PBX4: variants seen among roughly 807,000 people sequenced by gnomAD.
The protein encoded by PBX4 is PBX homeobox 4, also known as pre-B-cell leukemia transcription factor 4.
In PBX4, 26 loss-of-function variants were observed where a neutral mutation model predicts 35.1. The observed-to-expected ratio is 0.74, with a 90% CI of 0.54 to 1.03. The LOEUF (loss-of-function observed/expected upper bound fraction) is 1.03, where lower values mean the gene tolerates loss of function less well. PBX4 is among the 50% of genes least tolerant of loss of function. The pLI is 0.00. For missense variants in PBX4, 448 were observed against 504.3 expected (o/e 0.89, Z 1.07); for synonymous variants, 199 against 204.2 (o/e 0.97, Z 0.22).
chr19:19,614,915 T>G (rs995727290), intron 1 of PBX4, among the ~76,000 whole-genome samples: 2 of 151,424 alleles, frequency 1.3e-5, no homozygotes, highest in African/African-American at 2.4e-5. Flanking sequence ...ATCCCAGCAC[T>G]TTGGGAGGCC....
intron 2 of PBX4, among the ~76,000 whole-genome samples, chr19:19,583,785 T>A (rs2061471384): frequency 6.6e-6 from 1 of 151,622 alleles, no homozygotes; most frequent in Non-Finnish European, 1.5e-5. Context: ...ACCCCATCTC[T>A]ACTAAAAATA....
At chr19:19,588,937 A>T (rs992072095) in intron 2 of PBX4, among the ~76,000 whole-genome samples, 3 of 152,036 alleles carry the variant, frequency 2.0e-5, no homozygotes, top group Non-Finnish European at 4.4e-5. Context: ...AGAGTTTAAG[A>T]CCAGCCTGGG....
chr19:19,568,120 T>A (rs1225408253), intron 5 of PBX4, among the ~76,000 whole-genome samples: 9 of 133,148 alleles, frequency 6.8e-5, no homozygotes, highest in South Asian at 2.5e-4. Flanking sequence ...TCCATCTGTA[T>A]CCCTCAGGGA....
rs114617954 is a variant in PBX4 at position 19,600,255 on chromosome 19, A to C, written c.120-890T>G. Among the ~76,000 whole-genome samples the C allele has an allele frequency of 4.0e-3, 614 of 152,274 alleles. 9 individuals carry two copies. The highest frequency in any genetic ancestry group is 0.014 in the African/African-American group (577 of 41,554). On this transcript the variant is annotated intron_variant, in intron 1 of 7. Coordinates refer to ENST00000251203, the MANE Select transcript of PBX4 (RefSeq NM_025245.3). ...TCATCAAAAACTATGGTAAGGCATTAGTGGCTCATGTCTGTAATCTCAACG... is the reference window on the plus strand; with the variant it reads ...TCATCAAAAACTATGGTAAGGCATTCGTGGCTCATGTCTGTAATCTCAACG...
At chr19:19,588,570 T>C (rs1380574032) in intron 2 of PBX4, among the ~76,000 whole-genome samples, 1 of 151,934 alleles carries the variant, frequency 6.6e-6, no homozygotes, top group Non-Finnish European at 1.5e-5. Context: ...AGCCACCGTG[T>C]GGCCCAATTT....
chr19:19,600,411 T>A (rs2061589966), intron 1 of PBX4, among the ~76,000 whole-genome samples: 1 of 150,756 alleles, frequency 6.6e-6, no homozygotes, highest in African/African-American at 2.4e-5. Flanking sequence ...GTAGTCCCAA[T>A]CCCTCAGGAG....
At chr19:19,566,556 A>C (rs548526546) in intron 5 of PBX4, among the ~76,000 whole-genome samples, 1 of 151,874 alleles carries the variant, frequency 6.6e-6, no homozygotes, top group Admixed American at 6.6e-5. Flanking sequence ...TTTTTTTCTC[A>C]CTCTGTCACC....
intron 2 of PBX4, among the ~76,000 whole-genome samples, chr19:19,576,617 A>G (rs1008361912): frequency 4.6e-5 from 7 of 151,912 alleles, no homozygotes; most frequent in African/African-American, 1.7e-4. Context: ...AGTGTTGAGG[A>G]TTTTTATTGT....
intron 2 of PBX4, among the ~76,000 whole-genome samples, chr19:19,592,599 G>A (rs1419088769): frequency 6.6e-6 from 1 of 152,190 alleles, no homozygotes; most frequent in Non-Finnish European, 1.5e-5. Context: ...TTTTCAGGCT[G>A]CTGTGAGTGA....
At chr19:19,593,961 C>T (rs1452358297) in intron 2 of PBX4, among the ~76,000 whole-genome samples, 1 of 150,840 alleles carries the variant, frequency 6.6e-6, no homozygotes, top group South Asian at 2.1e-4. Context: ...CCTCATCCCC[C>T]CAAAAATAGT....
At chr19:19,611,901 C>T (rs2061664748) in intron 1 of PBX4, among the ~76,000 whole-genome samples, 2 of 151,998 alleles carry the variant, frequency 1.3e-5, no homozygotes, top group Admixed American at 6.6e-5. Flanking sequence ...TTTTGGGAGG[C>T]TGAGGCAGGA....
At chr19:19,594,741 A>T (rs1007235769) in intron 2 of PBX4, among the ~76,000 whole-genome samples, 13 of 151,258 alleles carry the variant, frequency 8.6e-5, no homozygotes, top group Admixed American at 6.6e-4. Flanking sequence ...TTTTTTTTTT[A>T]GACAGGGTCT....
chr19:19,605,452 T>TAATAATAAC (rs2061625039), intron 1 of PBX4, among the ~76,000 whole-genome samples: 1 of 130,156 alleles, frequency 7.7e-6, no homozygotes, highest in Admixed American at 7.5e-5. Flanking sequence ...ATAATAACAA[T>TAATAATAAC]AATAATAATA....
chr19:19,572,030 CAAA>C (rs546626234), intron 2 of PBX4, among the ~76,000 whole-genome samples: 8 of 59,842 alleles, frequency 1.3e-4, no homozygotes, highest in Non-Finnish European at 1.4e-4. Context: ...GACCCCGTCT[CAAA>C]AAAAAAAAAA....
chr19:19,582,381 C>G (rs897371425), intron 2 of PBX4, among the ~76,000 whole-genome samples: 1 of 152,200 alleles, frequency 6.6e-6, no homozygotes, highest in Non-Finnish European at 1.5e-5. Flanking sequence ...TAAGCAGACA[C>G]ACACAAGCAG....
At chr19:19,570,520 G>T in intron 3 of PBX4, 66 bp downstream of exon 3, 1 of 1,585,234 alleles carries the variant, frequency 6.3e-7, no homozygotes, top group Admixed American at 1.7e-5. Context: ...GGTGGTTAGC[G>T]TTCCGTGTTT....
intron 5 of PBX4, among the ~76,000 whole-genome samples, chr19:19,565,590 A>C (rs2061336795): frequency 6.6e-6 from 1 of 152,150 alleles, no homozygotes; most frequent in Non-Finnish European, 1.5e-5. Flanking sequence ...AGCACTTCTC[A>C]TATATTCATA....
intron 2 of PBX4, among the ~76,000 whole-genome samples, chr19:19,598,318 A>T: frequency 8.7e-6 from 1 of 114,568 alleles, no homozygotes; most frequent in Admixed American, 1.0e-4. Context: ...TTTTTTTGAG[A>T]CGGAGTCTTA....
intron 2 of PBX4, among the ~76,000 whole-genome samples, chr19:19,581,997 C>T (rs867345346): frequency 6.6e-6 from 1 of 152,186 alleles, no homozygotes; most frequent in South Asian, 2.1e-4. Context: ...TGAAGGACAT[C>T]GTGGGGTGGC....
Sources: gnomAD v4.1 joint callset for allele counts (sites outside exome capture counted in the v4.1 genomes callset) on GRCh38, gnomAD v4.1.1 for gene constraint, MANE v1.5 for transcripts, NCBI Gene and HGNC (gene_info 2026-07-23, HGNC 2026-07-21) for gene names.